Variants in GRID2 observed in about 807,000 individuals in gnomAD.
GRID2 encodes glutamate receptor ionotropic, delta-2.
Under a neutral mutation model 114.8 loss-of-function variants are expected in GRID2, and 33 were observed. The ratio of observed to expected loss-of-function variants is 0.29; its 90% CI spans 0.22 to 0.38. The LOEUF is 0.38. GRID2 is among the 10% of genes least tolerant of loss of function. GRID2 has a pLI of 1.00. For missense variants in GRID2, 1,184 were observed against 1,257.7 expected (o/e 0.94, Z 0.89); for synonymous variants, 505 against 449.9 (o/e 1.12, Z -1.55).
intron 1 of GRID2, among the ~76,000 whole-genome samples, chr4:92,551,092 G>A (rs1726562468): frequency 6.6e-6 from 1 of 152,066 alleles, no homozygotes; most frequent in Admixed American, 6.6e-5. Flanking sequence ...ACTTCCATAT[G>A]GCAGATCTTT....
intron 11 of GRID2, among the ~76,000 whole-genome samples, chr4:93,472,942 A>G (rs1247344082): frequency 1.3e-5 from 2 of 152,156 alleles, no homozygotes; most frequent in Non-Finnish European, 2.9e-5. Flanking sequence ...GAAAAGAGAG[A>G]ATAAACCAGA....
At chr4:93,411,941 TAA>T (rs747148973) in intron 9 of GRID2, among the ~76,000 whole-genome samples, 6 of 138,644 alleles carry the variant, frequency 4.3e-5, no homozygotes, top group African/African-American at 2.7e-5. Context: ...ATCTCTCTAT[TAA>T]AAAAAAAAAA....
At chr4:92,750,855 ATATT>A (rs1226155661) in intron 2 of GRID2, among the ~76,000 whole-genome samples, 2 of 152,238 alleles carry the variant, frequency 1.3e-5, no homozygotes, top group African/African-American at 2.4e-5. Flanking sequence ...ATATACATAC[ATATT>A]TATTGGTAAC....
intron 2 of GRID2, among the ~76,000 whole-genome samples, chr4:92,897,898 A>G (rs1463795565): frequency 1.3e-5 from 2 of 152,216 alleles, no homozygotes; most frequent in Non-Finnish European, 2.9e-5. Context: ...AGTTATGAGC[A>G]TAAGCTAAGA....
chr4:93,133,144 G>A (rs942471391), intron 4 of GRID2, among the ~76,000 whole-genome samples: 3 of 151,916 alleles, frequency 2.0e-5, no homozygotes, highest in East Asian at 1.9e-4. Context: ...TTGCATGCAC[G>A]TTCTCGCTCT....
chr4:92,839,558 CT>C (rs1742732400), intron 2 of GRID2, among the ~76,000 whole-genome samples: 1 of 151,174 alleles, frequency 6.6e-6, no homozygotes, highest in Non-Finnish European at 1.5e-5. Flanking sequence ...TTAAAATTTT[CT>C]TTTAAATTTC....
chr4:93,703,655 C>T (rs1337393681), intron 14 of GRID2, among the ~76,000 whole-genome samples: 1 of 117,832 alleles, frequency 8.5e-6, no homozygotes, highest in Non-Finnish European at 1.7e-5. Context: ...CTCCCCCCAC[C>T]CCACAACAGT....
chr4:92,895,384 C>CATATATATATATATAT (rs10528035), intron 2 of GRID2, among the ~76,000 whole-genome samples: 15,217 of 107,308 alleles, frequency 0.14, 1,374 homozygotes, highest in Middle Eastern at 0.18. Flanking sequence ...ATGTAGAAAA[C>CATATATATATATATAT]ATATATATAT....
At chr4:92,723,249 ATGT>A (rs141323335) in intron 2 of GRID2, among the ~76,000 whole-genome samples, 1,762 of 152,220 alleles carry the variant, frequency 0.012, 15 homozygotes, top group Middle Eastern at 0.061. Context: ...GGAATTTAAG[ATGT>A]TGTCTTAAAG....
In GRID2 at chr4:93,501,805, A is replaced by T. The variant is rs114038466; in HGVS notation, c.1997+11028A>T. Among the ~76,000 whole-genome samples, 431 of 152,218 alleles carry T rather than the reference A, an allele frequency of 2.8e-3. 3 individuals are homozygous for T. The highest frequency in any genetic ancestry group is 4.7e-3 in the Admixed American group (72 of 15,252). On this transcript the variant is annotated intron_variant, in intron 12 of 15. Coordinates refer to ENST00000282020, the MANE Select transcript of GRID2 (RefSeq NM_001510.4). The stretch of plus-strand genomic sequence containing the variant: ...ATAATCTTCCACAGCTTCTAAAATA[A>T]TCTTCTTCTGAACAAGATGAATCAT...
intron 14 of GRID2, among the ~76,000 whole-genome samples, chr4:93,628,639 G>C (rs187335740): frequency 1.1e-3 from 163 of 152,242 alleles, no homozygotes; most frequent in African/African-American, 3.9e-3. Flanking sequence ...AAGACCAGCA[G>C]AAATGTTTAA....
rs563965106 is a variant in GRID2 at position 93,630,272 on chromosome 4, A to G, written c.2360+3837A>G. 2.6e-5 allele frequency among the ~76,000 whole-genome samples: 4 copies of G among 152,278 alleles called. No individual in the cohort carries two copies. The Middle Eastern group carries it at 0.01, about 388-fold the overall frequency. On this transcript the variant is annotated intron_variant, in intron 14 of 15. Coordinates refer to ENST00000282020, the MANE Select transcript of GRID2 (RefSeq NM_001510.4). The stretch of plus-strand genomic sequence containing the variant: ...AATTCTCTACCTGACACGATTTGTC[A>G]TCAGATGTTTTATGTGGTTCTCATC...
chr4:93,372,695 A>G (rs530078271), intron 8 of GRID2, among the ~76,000 whole-genome samples: 1 of 152,232 alleles, frequency 6.6e-6, no homozygotes, highest in South Asian at 2.1e-4. Context: ...CTAATTTTCC[A>G]TAAACATTGC....
intron 9 of GRID2, among the ~76,000 whole-genome samples, chr4:93,403,589 T>C (rs1324531576): frequency 1.3e-5 from 2 of 152,130 alleles, no homozygotes; most frequent in East Asian, 1.9e-4. Flanking sequence ...GCAATGAAGA[T>C]ATATTTATAT....
intron 4 of GRID2, among the ~76,000 whole-genome samples, chr4:93,122,604 C>G (rs1434068560): frequency 6.6e-6 from 1 of 151,670 alleles, no homozygotes; most frequent in African/African-American, 2.4e-5. Context: ...TCCATGGGCC[C>G]AATAGTTATG....
At chr4:92,690,775 G>A (rs1334760132) in intron 2 of GRID2, among the ~76,000 whole-genome samples, 3 of 151,454 alleles carry the variant, frequency 2.0e-5, no homozygotes, top group Non-Finnish European at 4.4e-5. Context: ...ATATTTCTTA[G>A]TACCCTCATT....
intron 4 of GRID2, among the ~76,000 whole-genome samples, chr4:93,119,327 A>G (rs1733564905): frequency 6.6e-6 from 1 of 152,188 alleles, no homozygotes; most frequent in South Asian, 2.1e-4. Context: ...ATAGATTGGA[A>G]TGATATTTTG....
chr4:92,806,960 A>T (rs1740445899), intron 2 of GRID2, among the ~76,000 whole-genome samples: 1 of 152,016 alleles, frequency 6.6e-6, no homozygotes, highest in Non-Finnish European at 1.5e-5. Context: ...TGGGACATAA[A>T]AACATGCATT....
intron 2 of GRID2, among the ~76,000 whole-genome samples, chr4:92,740,000 C>T (rs1448801495): frequency 6.6e-6 from 1 of 152,064 alleles, no homozygotes; most frequent in Non-Finnish European, 1.5e-5. Context: ...TCCTTATATT[C>T]TTTTAAAAGT....
Sources: allele counts gnomAD v4.1 joint callset (sites outside exome capture counted in the v4.1 genomes callset), GRCh38; gene constraint gnomAD v4.1.1; transcripts MANE v1.5; gene names NCBI Gene and HGNC (gene_info 2026-07-23, HGNC 2026-07-21).